Variants in SLC4A5 observed in about 807,000 individuals in gnomAD.
SLC4A5 encodes the protein solute carrier family 4 member 5.
In SLC4A5, 96 loss-of-function variants were observed where a neutral mutation model predicts 120.4. The observed-to-expected ratio is 0.80, with a 90% confidence interval of 0.68 to 0.94. The LOEUF (loss-of-function observed/expected upper bound fraction) is 0.94, where lower values mean the gene tolerates loss of function less well. Among genes scored for constraint, SLC4A5 ranks in the 40% least tolerant of loss-of-function variants. SLC4A5 has a pLI of 0.00. For synonymous variants in SLC4A5, 550 were observed against 571.1 expected, an observed-to-expected ratio of 0.96 and a Z score of 0.53; for missense variants, 1,259 against 1,459.5, an observed-to-expected ratio of 0.86 and a Z score of 2.24.
At chr2:74,233,642 C>A in intron 22 of SLC4A5, 79 bp from the exon 23 acceptor site, 2 of 1,457,372 alleles carry the variant, frequency 1.4e-6, no homozygotes, top group Non-Finnish European at 1.8e-6. Context: ...TGCTGTCCCA[C>A]CTCCTCAACT....
At chr2:74,274,038 G>A (rs2104098793) in intron 8 of SLC4A5, among the ~76,000 whole-genome samples, 1 of 152,346 alleles carries the variant, frequency 6.6e-6, no homozygotes, top group South Asian at 2.1e-4. Flanking sequence ...GGTTGTGCAT[G>A]CCTGTAATCC....
intron 28 of SLC4A5, among the ~76,000 whole-genome samples, chr2:74,223,523 C>T (rs1314388487): frequency 6.6e-6 from 1 of 152,182 alleles, no homozygotes; most frequent in African/African-American, 2.4e-5. Flanking sequence ...TCACAGCAAC[C>T]AGTCACTTGG....
At chr2:74,302,754 T>A (rs376108116) in intron 7 of SLC4A5, among the ~76,000 whole-genome samples, 1 of 152,260 alleles carries the variant, frequency 6.6e-6, no homozygotes, top group Non-Finnish European at 1.5e-5. Flanking sequence ...TGATGTTCTA[T>A]GTCACCTCTT....
At chr2:74,220,379 C>T (rs1005602060) in intron 30 of SLC4A5, among the ~76,000 whole-genome samples, 1 of 149,750 alleles carries the variant, frequency 6.7e-6, no homozygotes, top group Non-Finnish European at 1.5e-5. Flanking sequence ...GGCTTTCCTC[C>T]ATACCCTTTC....
At chr2:74,319,790 G>T (rs1291260965) in intron 5 of SLC4A5, among the ~76,000 whole-genome samples, 1 of 151,794 alleles carries the variant, frequency 6.6e-6, no homozygotes, top group Non-Finnish European at 1.5e-5. Context: ...TATGCATTTT[G>T]GTTTCATTTG....
intron 25 of SLC4A5, among the ~76,000 whole-genome samples, chr2:74,230,145 C>G (rs971389758): frequency 6.6e-6 from 1 of 152,012 alleles, no homozygotes; most frequent in African/African-American, 2.4e-5. Flanking sequence ...TGGTCATGAG[C>G]TGTTTTGAGA....
At chr2:74,242,587 A>C (rs1462180989) in intron 19 of SLC4A5, among the ~76,000 whole-genome samples, 1 of 152,204 alleles carries the variant, frequency 6.6e-6, no homozygotes, top group Non-Finnish European at 1.5e-5. Context: ...ATCCCATCCC[A>C]GAAAGGCTGG....
intron 8 of SLC4A5, among the ~76,000 whole-genome samples, chr2:74,282,939 C>G (rs1251754753): frequency 6.6e-6 from 1 of 152,220 alleles, no homozygotes; most frequent in African/African-American, 2.4e-5. Flanking sequence ...GCTTCAGGCC[C>G]TGGCCCCTCA....
intron 20 of SLC4A5, among the ~76,000 whole-genome samples, chr2:74,241,021 T>C (rs1030668751): frequency 1.3e-5 from 2 of 152,032 alleles, no homozygotes; most frequent in African/African-American, 4.8e-5. Flanking sequence ...AGGCAGACCA[T>C]ACCTTAGGCC....
At chr2:74,317,700 T>C (rs1673001184) in intron 5 of SLC4A5, among the ~76,000 whole-genome samples, 1 of 152,222 alleles carries the variant, frequency 6.6e-6, no homozygotes, top group Non-Finnish European at 1.5e-5. Flanking sequence ...GTAAATGCAG[T>C]TAGCCCCTCA....
intron 8 of SLC4A5, among the ~76,000 whole-genome samples, chr2:74,282,261 G>A (rs1348635607): frequency 2.6e-5 from 4 of 152,232 alleles, no homozygotes; most frequent in Non-Finnish European, 5.9e-5. Flanking sequence ...AAACCAGATG[G>A]GGTTAGCTGT....
At chr2:74,319,006 T>C (rs1673031316) in intron 5 of SLC4A5, among the ~76,000 whole-genome samples, 1 of 151,986 alleles carries the variant, frequency 6.6e-6, no homozygotes, top group Non-Finnish European at 1.5e-5. Context: ...CATTACATTA[T>C]ATATATATAA....
chr2:74,244,149 T>C (rs1039375491), intron 19 of SLC4A5, among the ~76,000 whole-genome samples: 3 of 152,246 alleles, frequency 2.0e-5, no homozygotes, highest in African/African-American at 4.8e-5. Flanking sequence ...TTCCTTTCCA[T>C]GTTATCTTAA....
chr2:74,264,911 G>A (rs1671254580), intron 9 of SLC4A5, among the ~76,000 whole-genome samples, 193 bp downstream of exon 9: 1 of 152,170 alleles, frequency 6.6e-6, no homozygotes, highest in South Asian at 2.1e-4. Flanking sequence ...CTCTCTACTG[G>A]AGGTCTACAT....
At chr2:74,268,662 G>A (rs1283214561) in intron 8 of SLC4A5, among the ~76,000 whole-genome samples, 1 of 152,166 alleles carries the variant, frequency 6.6e-6, no homozygotes, top group East Asian at 1.9e-4. Flanking sequence ...TTTATAACAA[G>A]CATTACCAAA....
intron 7 of SLC4A5, among the ~76,000 whole-genome samples, chr2:74,288,538 C>G (rs1672057533): frequency 6.6e-6 from 1 of 152,166 alleles, no homozygotes; most frequent in Non-Finnish European, 1.5e-5. Context: ...GATATTTTCC[C>G]TCTTTGAAGA....
intron 3 of SLC4A5, among the ~76,000 whole-genome samples, chr2:74,335,418 G>A (rs1673457648): frequency 6.6e-6 from 1 of 152,190 alleles, no homozygotes; most frequent in South Asian, 2.1e-4. Flanking sequence ...ACAGCATGCA[G>A]CCAAGCAAGG....
At chr2:74,339,858 T>G (rs1558921366) in intron 2 of SLC4A5, 1 of 152,176 alleles carries the variant, frequency 6.6e-6, no homozygotes, top group East Asian at 1.9e-4. Context: ...GATTCAGCCT[T>G]AAAAAGGAAT....
At chr2:74,305,878 C>T (rs1672628026) in intron 6 of SLC4A5, among the ~76,000 whole-genome samples, 1 of 152,062 alleles carries the variant, frequency 6.6e-6, no homozygotes, top group South Asian at 2.1e-4. Context: ...GCACGCACCA[C>T]CATGCCTGGC....
Sources: gnomAD v4.1 joint callset for allele counts (sites outside exome capture counted in the v4.1 genomes callset) on GRCh38, gnomAD v4.1.1 for gene constraint, MANE v1.5 for transcripts, NCBI Gene and HGNC (gene_info 2026-07-23, HGNC 2026-07-21) for gene names.